CLIP1: variants seen among roughly 807,000 people sequenced by gnomAD.
CLIP1 encodes CAP-Gly domain containing linker protein 1.
CLIP1 carries 66 observed loss-of-function variants against 161.6 expected under a neutral mutation model. The observed-to-expected ratio is 0.41, with a 90% CI of 0.33 to 0.50. The LOEUF (loss-of-function observed/expected upper bound fraction) is 0.50, where lower values mean the gene tolerates loss of function less well. Ranked by LOEUF, CLIP1 falls within the 20% of genes least tolerant of loss-of-function variation. The pLI is 0.27. For synonymous variants in CLIP1, 598 were observed against 626.2 expected, an observed-to-expected ratio of 0.96 and a Z score of 0.67; for missense variants, 1,376 against 1,702.0, an observed-to-expected ratio of 0.81 and a Z score of 3.37.
At chr12:122,375,711 C>A (rs1954690974) in intron 3 of CLIP1, among the ~76,000 whole-genome samples, 1 of 151,774 alleles carries the variant, frequency 6.6e-6, no homozygotes, top group Admixed American at 6.6e-5. Flanking sequence ...TATAATTTCA[C>A]TAAACCAAAA....
chr12:122,318,999 G>A lies in CLIP1; in HGVS notation c.3366+233C>T, dbSNP rs978400881. ...GTACCTCCTCTCACTAGTGCCATCA[G>A]TAAACAGTCACCTTAGCCACACTAT... On this transcript the variant is annotated intron_variant, in intron 18 of 25. Coordinates refer to ENST00000620786, the MANE Select transcript of CLIP1 (RefSeq NM_001247997.2). Among the ~76,000 whole-genome samples, 5 of 152,206 alleles carry A rather than the reference G, an allele frequency of 3.3e-5. No homozygotes were observed. The East Asian group carries it at 9.6e-4, about 29-fold the overall frequency.
intron 17 of CLIP1, among the ~76,000 whole-genome samples, chr12:122,326,600 G>C (rs1472214657): frequency 1.3e-5 from 2 of 152,152 alleles, no homozygotes; most frequent in Non-Finnish European, 2.9e-5. Flanking sequence ...GATCACTTGA[G>C]CCCGAGAGGT....
At chr12:122,403,809 C>G (rs1011411195) in intron 1 of CLIP1, among the ~76,000 whole-genome samples, 6 of 152,054 alleles carry the variant, frequency 3.9e-5, no homozygotes, top group African/African-American at 1.4e-4. Context: ...CATGAGCCAC[C>G]GTGCCCAGCC....
intron 17 of CLIP1, among the ~76,000 whole-genome samples, chr12:122,321,969 C>T (rs929621977): frequency 3.3e-5 from 5 of 152,076 alleles, no homozygotes; most frequent in African/African-American, 9.7e-5. Flanking sequence ...CAGACTGTAA[C>T]GAACAGCTTG....
intron 16 of CLIP1, 47 bp from the exon 17 acceptor site, chr12:122,328,209 A>C (rs751969133): frequency 6.2e-7 from 1 of 1,613,380 alleles, no homozygotes; most frequent in Non-Finnish European, 8.5e-7. Flanking sequence ...CCATGCGTGT[A>C]CTATCCCTTG....
At chr12:122,403,940 T>C (rs751149709) in intron 1 of CLIP1, among the ~76,000 whole-genome samples, 2 of 152,218 alleles carry the variant, frequency 1.3e-5, no homozygotes, top group Non-Finnish European at 2.9e-5. Context: ...ATGATGACAC[T>C]GTGTGACTGC....
chr12:122,367,052 T>G (rs1160576288), intron 3 of CLIP1, among the ~76,000 whole-genome samples: 1 of 152,166 alleles, frequency 6.6e-6, no homozygotes, highest in Non-Finnish European at 1.5e-5. Context: ...AGCACATTAG[T>G]TAAAGATGAT....
chr12:122,278,122 A>G, intron 24 of CLIP1, 32 bp downstream of exon 24: 2 of 1,590,048 alleles, frequency 1.3e-6, no homozygotes, highest in Non-Finnish European at 1.7e-6. Context: ...GAAAAACAGC[A>G]AGAAAGTAAA....
In CLIP1 at chr12:122,323,380, G is replaced by A. The variant is rs1178579713; in HGVS notation, c.3250-4032C>T. On this transcript the variant is annotated intron_variant, in intron 17 of 25. Transcript: ENST00000620786. The surrounding 1 kb of genome is among the most constrained non-coding windows in gnomAD (Gnocchi z 4.1). ...AGAGCCTTCTCTCGGAGGCAGCCAA[G>A]GTTTCTTTCTCATGCAGAAGCTGGA... 3 of 152,578 alleles carry A rather than the reference G, an allele frequency of 2.0e-5. No homozygotes were observed. The highest frequency in any genetic ancestry group is 6.6e-5 in the Admixed American group (1 of 15,266). The allele number at this position is 152,578 out of a possible 1,614,324, so 9.5% of individuals were successfully genotyped here. A position where few individuals can be genotyped will look rare whatever the true frequency, so the allele number is the denominator to read the frequency against.
chr12:122,287,838 A>G (rs1045134486), intron 21 of CLIP1, among the ~76,000 whole-genome samples: 2 of 152,188 alleles, frequency 1.3e-5, no homozygotes, highest in African/African-American at 4.8e-5. Flanking sequence ...TTTTCATATA[A>G]TTGAAATCAG....
intron 1 of CLIP1, among the ~76,000 whole-genome samples, chr12:122,402,653 A>G (rs1335342038): frequency 6.6e-6 from 1 of 152,014 alleles, no homozygotes. Flanking sequence ...GTGGGCACCT[A>G]TAATCCCACC....
chr12:122,353,134 A>G (rs564749443), intron 7 of CLIP1, among the ~76,000 whole-genome samples: 1 of 152,324 alleles, frequency 6.6e-6, no homozygotes, highest in East Asian at 1.9e-4. Context: ...GCTTAAAGCC[A>G]GGAGTTTAAG....
chr12:122,387,773 A>C (rs1045285536), intron 1 of CLIP1, among the ~76,000 whole-genome samples: 1 of 151,238 alleles, frequency 6.6e-6, no homozygotes, highest in Non-Finnish European at 1.5e-5. Context: ...TTTTTGTAGA[A>C]GTGCGGTCTG....
chr12:122,390,935 G>A (rs963833481), intron 1 of CLIP1, among the ~76,000 whole-genome samples: 4 of 152,250 alleles, frequency 2.6e-5, no homozygotes, highest in Admixed American at 6.5e-5. Flanking sequence ...GCACCAGGGA[G>A]TAGGGCTCCA....
intron 3 of CLIP1, among the ~76,000 whole-genome samples, chr12:122,373,283 A>T (rs1347260289): frequency 6.6e-6 from 1 of 152,022 alleles, no homozygotes; most frequent in East Asian, 1.9e-4. Flanking sequence ...AGAATTAGCC[A>T]GGTGTGGTGG....
chr12:122,369,765 TA>T (rs1271204491), intron 3 of CLIP1, among the ~76,000 whole-genome samples: 4 of 150,620 alleles, frequency 2.7e-5, no homozygotes, highest in Non-Finnish European at 4.4e-5. Flanking sequence ...CCTGAGGAGG[TA>T]ACACTTGAGC....
In CLIP1 at chr12:122,416,674, G is replaced by A. The variant is rs542077723; in HGVS notation, c.-107+5847C>T. ...CCAGCACTTTGGGAAGCTGCAGTGG[G>A]TAGATCACCTGAGGTCAGGAGTTCA... On this transcript the variant is annotated intron_variant, in intron 1 of 25. Transcript: ENST00000620786. 8.4e-4 allele frequency among the ~76,000 whole-genome samples: 128 copies of A among 152,208 alleles called. 2 individuals carry two copies. In the South Asian group the frequency reaches 0.01, roughly 12 times the overall value.
intron 17 of CLIP1, 117 bp from the exon 18 acceptor site, chr12:122,319,465 C>T: frequency 1.4e-6 from 1 of 718,496 alleles, no homozygotes; most frequent in Non-Finnish European, 2.5e-6. Context: ...GGGAGGCACA[C>T]AGAGAGGGTG....
At position 122,361,187 on chromosome 12, in the gene CLIP1, G is replaced by C; in HGVS notation, c.783-6C>G. 6.2e-7 allele frequency: 1 copy of C among 1,601,752 alleles called. No homozygotes were observed. The highest frequency in any genetic ancestry group is 1.1e-5 in the South Asian group (1 of 90,296). On this transcript the variant is annotated splice_polypyrimidine_tract_variant and splice_region_variant and intron_variant, in intron 4 of 25. Coordinates refer to ENST00000620786, the MANE Select transcript of CLIP1 (RefSeq NM_001247997.2). Reference sequence around the variant, plus strand: ...TGGGTTGACACTGAAAATACCTTTAGAGAACAATAAGAACAATAACAAAAA... The same window carrying C: ...TGGGTTGACACTGAAAATACCTTTACAGAACAATAAGAACAATAACAAAAA...
Sources: gnomAD v4.1 joint callset for allele counts (sites outside exome capture counted in the v4.1 genomes callset) on GRCh38, gnomAD v4.1.1 for gene constraint, Gnocchi (gnomAD v3.1) non-coding constraint, MANE v1.5 for transcripts, NCBI Gene and HGNC (gene_info 2026-07-23, HGNC 2026-07-21) for gene names.